Variants in ATXN2 observed in about 807,000 individuals in gnomAD.
The protein encoded by ATXN2 is ataxin 2.
In ATXN2, 37 loss-of-function variants were observed where a neutral mutation model predicts 138.6. That is an observed-to-expected ratio of 0.27 (90% CI 0.21 to 0.35). ATXN2 has a LOEUF of 0.35. ATXN2 is among the 10% of genes least tolerant of loss of function. The pLI is 1.00. For missense variants in ATXN2, 1,216 were observed against 1,480.3 expected (o/e 0.82, Z 2.93); for synonymous variants, 549 against 543.7 (o/e 1.01, Z -0.13).
intron 1 of ATXN2, among the ~76,000 whole-genome samples, chr12:111,576,378 T>C (rs1247803062): frequency 6.6e-6 from 1 of 152,028 alleles, no homozygotes; most frequent in African/African-American, 2.4e-5. Context: ...GAGGTTGCAG[T>C]GAGCTAAGAT....
At chr12:111,489,598 C>A (rs139537266) in intron 14 of ATXN2, among the ~76,000 whole-genome samples, 1 of 144,826 alleles carries the variant, frequency 6.9e-6, no homozygotes, top group Admixed American at 7.0e-5. Flanking sequence ...GGTGACAGAG[C>A]GAGACTCCGT....
intron 6 of ATXN2, among the ~76,000 whole-genome samples, chr12:111,522,906 T>G (rs566467923): frequency 6.6e-5 from 10 of 151,494 alleles, no homozygotes; most frequent in Non-Finnish European, 1.5e-4. Flanking sequence ...AGAGCAAGAC[T>G]CCGTCTCAAA....
chr12:111,565,070 T>A (rs1335707803), intron 1 of ATXN2, among the ~76,000 whole-genome samples: 1 of 152,184 alleles, frequency 6.6e-6, no homozygotes, highest in Non-Finnish European at 1.5e-5. Flanking sequence ...ATTATTTTCA[T>A]GAAGTTTTAT....
intron 24 of ATXN2, 92 bp from the exon 25 acceptor site, chr12:111,452,932 C>G: frequency 8.5e-7 from 1 of 1,174,918 alleles, no homozygotes; most frequent in Non-Finnish European, 1.1e-6. Context: ...AAACTATCCT[C>G]GTGCTAGCTG....
chr12:111,575,895 A>AC (rs1187643811), intron 1 of ATXN2, among the ~76,000 whole-genome samples: 3 of 152,018 alleles, frequency 2.0e-5, no homozygotes, highest in Admixed American at 6.6e-5. Context: ...CAGCCTGGCC[A>AC]AGATGGTGAA....
chr12:111,457,609 T>C, intron 21 of ATXN2: 1 of 350,456 alleles, frequency 2.9e-6, no homozygotes, highest in Non-Finnish European at 5.0e-6. Flanking sequence ...TTAGTTTGCA[T>C]TTACTCTTAA....
At chr12:111,472,279 G>A (rs1047548909) in intron 18 of ATXN2, among the ~76,000 whole-genome samples, 13 of 152,050 alleles carry the variant, frequency 8.5e-5, no homozygotes, top group Admixed American at 7.9e-4. Flanking sequence ...AAAAGGGGAG[G>A]GTAGGGGACA....
chr12:111,535,739 G>A (rs371638876), intron 5 of ATXN2, among the ~76,000 whole-genome samples: 1 of 152,034 alleles, frequency 6.6e-6, no homozygotes, highest in Non-Finnish European at 1.5e-5. Context: ...GGTGGCTCAC[G>A]CCTGTAATCC....
intron 5 of ATXN2, among the ~76,000 whole-genome samples, chr12:111,529,546 C>G (rs74350796): frequency 0.015 from 2,238 of 152,332 alleles, 63 homozygotes; most frequent in African/African-American, 0.051. Context: ...ATGCTACCCC[C>G]ACAGCAGTGG....
chr12:111,580,051 C>A (rs1375857178), intron 1 of ATXN2, among the ~76,000 whole-genome samples: 1 of 152,046 alleles, frequency 6.6e-6, no homozygotes, highest in Admixed American at 6.6e-5. Flanking sequence ...TGGGCTCCAG[C>A]GATCCTCCCA....
chr12:111,570,253 T>C (rs558539046), intron 1 of ATXN2, among the ~76,000 whole-genome samples: 8 of 152,164 alleles, frequency 5.3e-5, no homozygotes, highest in African/African-American at 1.9e-4. Context: ...CTTATCCCTT[T>C]CTGGAGGCCA....
intron 18 of ATXN2, among the ~76,000 whole-genome samples, chr12:111,474,426 CAAA>C (rs1006919646): frequency 4.4e-4 from 67 of 151,518 alleles, no homozygotes; most frequent in Non-Finnish European, 8.4e-4. Flanking sequence ...AACAAAAAAA[CAAA>C]GAAGAAGAAA....
chr12:111,455,146 G>A (rs1321474528), intron 23 of ATXN2: 1 of 702,746 alleles, frequency 1.4e-6, no homozygotes, highest in Non-Finnish European at 2.6e-6. Context: ...GGAATTCATT[G>A]TGGCAGGTCT....
chr12:111,545,987 C>G (rs930054501), intron 5 of ATXN2, among the ~76,000 whole-genome samples: 1 of 149,362 alleles, frequency 6.7e-6, no homozygotes, highest in Non-Finnish European at 1.5e-5. Flanking sequence ...AAAGATGGCA[C>G]GGAGGAAGAA....
At chr12:111,562,005 G>A (rs1331216365) in intron 1 of ATXN2, among the ~76,000 whole-genome samples, 1 of 151,764 alleles carries the variant, frequency 6.6e-6, no homozygotes, top group Non-Finnish European at 1.5e-5. Flanking sequence ...TAGAGACAGG[G>A]TTTCACCATG....
rs140514691 is a variant in ATXN2, at chr12:111,542,444, T to A, written c.571+9836A>T. Among the ~76,000 whole-genome samples the A allele has an allele frequency of 3.4e-3, 523 of 152,232 alleles. 2 individuals are homozygous for A. Among genetic ancestry groups the A allele is most frequent in the African/African-American group, 0.012 (494 of 41,540 alleles). On this transcript the variant is annotated intron_variant, in intron 5 of 24. Transcript: ENST00000673436. Reference sequence around the variant, plus strand: ...CATGTCGGCCAGGCTGGTCTCCAACTCCTTACCTCAGGTGATCCGCCACGC... The same window carrying A: ...CATGTCGGCCAGGCTGGTCTCCAACACCTTACCTCAGGTGATCCGCCACGC...
chr12:111,470,469 A>G, intron 19 of ATXN2, 89 bp downstream of exon 19: 1 of 1,478,976 alleles, frequency 6.8e-7, no homozygotes, highest in Non-Finnish European at 9.2e-7. Flanking sequence ...ATCACACAAA[A>G]GCAAAAATTA....
At position 111,598,451 on chromosome 12, in the gene ATXN2, C is replaced by A. The variant is rs1885050148; in HGVS notation, c.251+333G>T. The A allele has an allele frequency of 2.0e-6, 2 of 985,526 alleles. No homozygotes were observed. The highest frequency in any genetic ancestry group is 2.4e-6 in the Non-Finnish European group (2 of 830,106). 61.0% of individuals were successfully genotyped at this position (985,526 alleles called of 1,614,324 possible). A position where few individuals can be genotyped will look rare whatever the true frequency, so the allele number is the denominator to read the frequency against. ...CCCACGCTGCGGGCGGAGGATCGTG[C>A]GGAAGGGGGAGCCGGGGCTGACCAT... On this transcript the variant is annotated intron_variant, in intron 1 of 24. Transcript: ENST00000673436. This position sits in a 1 kb window ranked among gnomAD's most constrained non-coding sequence, Gnocchi z 4.5.
chr12:111,588,363 G>C (rs1022964240), intron 1 of ATXN2, among the ~76,000 whole-genome samples: 1 of 151,984 alleles, frequency 6.6e-6, no homozygotes, highest in African/African-American at 2.4e-5. Context: ...CAAATAAAAA[G>C]TTAAGGTTGC....
Sources: allele counts gnomAD v4.1 joint callset (sites outside exome capture counted in the v4.1 genomes callset), GRCh38; gene constraint gnomAD v4.1.1; non-coding constraint Gnocchi (gnomAD v3.1); transcripts MANE v1.5; gene names NCBI Gene and HGNC (gene_info 2026-07-23, HGNC 2026-07-21).